Variants in SERINC5 observed in about 807,000 individuals in gnomAD.
The protein encoded by SERINC5 is serine incorporator 5, also known as chromosome 5 open reading frame 12.
A neutral mutation model predicts 63.1 loss-of-function variants in SERINC5; 41 were observed. The observed-to-expected ratio is 0.65, with a 90% confidence interval of 0.51 to 0.84. The LOEUF is 0.84. Ranked by LOEUF, SERINC5 falls within the 40% of genes least tolerant of loss-of-function variation. The probability of loss-of-function intolerance (pLI) is 0.00; values close to 1 mark genes in which losing one functional copy is unlikely to be tolerated. For synonymous variants in SERINC5, 222 were observed against 215.2 expected, an observed-to-expected ratio of 1.03 and a Z score of -0.28; for missense variants, 523 against 573.0, an observed-to-expected ratio of 0.91 and a Z score of 0.89.
intron 1 of SERINC5, among the ~76,000 whole-genome samples, chr5:80,223,811 A>G (rs941747124): frequency 2.6e-5 from 4 of 152,104 alleles, no homozygotes; most frequent in African/African-American, 9.7e-5. Flanking sequence ...TGATACAACT[A>G]TCTACTCATC....
intron 4 of SERINC5, among the ~76,000 whole-genome samples, chr5:80,176,886 A>C (rs1748066970): frequency 6.6e-6 from 1 of 152,256 alleles, no homozygotes; most frequent in South Asian, 2.1e-4. Flanking sequence ...TTAATGAATT[A>C]AAGCAGGTTC....
rs1425097506 is a variant in SERINC5, at chr5:80,124,870, G to A, written c.1239-11245C>T. ...CAACTCCCACCCAGGGTGGGGAGTA[G>A]TTGCAGGTAGTCTTGTTTATGAACA... On this transcript the variant is annotated intron_variant, in intron 11 of 12. Coordinates refer to the SERINC5 transcript ENST00000509193. Among the ~76,000 whole-genome samples, 3 of 152,178 alleles carry A rather than the reference G, an allele frequency of 2.0e-5. No individual in the cohort carries two copies. In the East Asian group the frequency reaches 5.8e-4, roughly 29 times the overall value.
chr5:80,147,800 C>A (rs73125958), intron 9 of SERINC5, among the ~76,000 whole-genome samples: 6,677 of 152,264 alleles, frequency 0.044, 515 homozygotes, highest in African/African-American at 0.15. Context: ...GAGCCCCACT[C>A]TCCTGGTGCT....
At chr5:80,195,084 C>T (rs1010119721) in intron 2 of SERINC5, among the ~76,000 whole-genome samples, 5 of 151,998 alleles carry the variant, frequency 3.3e-5, no homozygotes, top group African/African-American at 1.2e-4. Context: ...GTCAGGAGTT[C>T]GAGACCAGCC....
At chr5:80,172,357 A>G (rs1373850108) in intron 5 of SERINC5, among the ~76,000 whole-genome samples, 1 of 152,178 alleles carries the variant, frequency 6.6e-6, no homozygotes, top group African/African-American at 2.4e-5. Context: ...AAAAAAAAGT[A>G]TCTATAAATG....
intron 6 of SERINC5, among the ~76,000 whole-genome samples, chr5:80,168,179 A>T (rs1747425580): frequency 6.6e-6 from 1 of 152,098 alleles, no homozygotes; most frequent in South Asian, 2.1e-4. Flanking sequence ...ATAGAAGAAA[A>T]CAAATTATTT....
chr5:80,254,423 CT>C (rs34840957), intron 1 of SERINC5, among the ~76,000 whole-genome samples: 10,629 of 152,196 alleles, frequency 0.07, 505 homozygotes, highest in Non-Finnish European at 0.11. Flanking sequence ...CAAAATAATT[CT>C]TTTACAAAAC....
chr5:80,127,350 T>C (rs995255604), intron 11 of SERINC5, among the ~76,000 whole-genome samples: 1 of 152,248 alleles, frequency 6.6e-6, no homozygotes, highest in Non-Finnish European at 1.5e-5. Context: ...GGTTCTACTA[T>C]GTTCGTTCTC....
chr5:80,139,614 G>GAGAGAGAGAGAGAGA lies in SERINC5; in HGVS notation c.*4048_*4049insTCTCTCTCTCTCTCT. 2 of 984,916 alleles carry GAGAGAGAGAGAGAGA rather than the reference G, an allele frequency of 2.0e-6. No homozygotes were observed. Among genetic ancestry groups the GAGAGAGAGAGAGAGA allele is most frequent in the African/African-American group, 1.7e-5 (1 of 57,258 alleles). 61.0% of individuals were successfully genotyped at this position (984,916 alleles called of 1,614,324 possible). On this transcript the variant is annotated 3_prime_UTR_variant, in exon 12 of 12. Transcript: ENST00000507668. ...AGAAGAAAAGAGAGAGAGAGAGAAA[G>GAGAGAGAGAGAGAGA]GTCTAAACATCTGTGTGAACAGCTC...
At chr5:80,202,771 CAGGTATA>C (rs1749921144) in intron 2 of SERINC5, 108 bp downstream of exon 2, 1 of 1,004,914 alleles carries the variant, frequency 1.0e-6, no homozygotes. Flanking sequence ...TCAAGGAAAC[CAGGTATA>C]CCCCAAAACA....
intron 1 of SERINC5, among the ~76,000 whole-genome samples, chr5:80,227,816 T>A (rs376504154): frequency 1.3e-5 from 2 of 151,870 alleles, no homozygotes; most frequent in African/African-American, 4.8e-5. Context: ...GCCACTGCAC[T>A]CCAACCTGGA....
At chr5:80,169,938 C>T (rs2112386389) in intron 5 of SERINC5, among the ~76,000 whole-genome samples, 1 of 152,310 alleles carries the variant, frequency 6.6e-6, no homozygotes, top group South Asian at 2.1e-4. Flanking sequence ...ACAGAATCTT[C>T]TGTGGCTGGT....
chr5:80,140,688 G>C lies in SERINC5; in HGVS notation c.*2975C>G, dbSNP rs1745455754. ...GGAAATAGTCTCTAGTCTCCAGTCA[G>C]GTAACATGCCGCGGTATGACACTCC... is the stretch of plus-strand genomic sequence containing the variant. On this transcript the variant is annotated 3_prime_UTR_variant, in exon 12 of 12. Coordinates refer to ENST00000507668, the MANE Select transcript of SERINC5 (RefSeq NM_001174072.3). 1 of 985,144 alleles carries C rather than the reference G, an allele frequency of 1.0e-6. No homozygotes were observed. The highest frequency in any genetic ancestry group is 1.2e-6 in the Non-Finnish European group (1 of 829,900). The allele number at this position is 985,144 out of a possible 1,614,324, so 61.0% of individuals were successfully genotyped here.
intron 1 of SERINC5, among the ~76,000 whole-genome samples, chr5:80,210,177 T>C (rs10514178): frequency 0.12 from 18,092 of 152,210 alleles, 1,184 homozygotes; most frequent in East Asian, 0.28. Context: ...GCAAACATAC[T>C]GCAAAGGAAA....
chr5:80,233,539 T>C (rs1024268926), intron 1 of SERINC5, among the ~76,000 whole-genome samples: 1 of 152,190 alleles, frequency 6.6e-6, no homozygotes, highest in Non-Finnish European at 1.5e-5. Flanking sequence ...CTCTGCTCAT[T>C]AGAGAAGTGC....
intron 11 of SERINC5, among the ~76,000 whole-genome samples, chr5:80,124,275 A>G (rs1005571255): frequency 2.0e-5 from 3 of 152,190 alleles, no homozygotes; most frequent in Non-Finnish European, 2.9e-5. Flanking sequence ...CCAATCACAT[A>G]GCATGCCGCA....
chr5:80,186,763 CAT>C lies in SERINC5; in HGVS notation c.196-8701_196-8700del, dbSNP rs1409400744. ...TGGCCAGGGGCCCAGATGCTACAAA[CAT>C]AGAAAACATGTATAAGTTTTGGGAG... On this transcript the variant is annotated intron_variant, in intron 2 of 11. Transcript: ENST00000507668. 2.0e-5 allele frequency among the ~76,000 whole-genome samples: 3 copies of C among 152,140 alleles called. 1 individual carries two copies. The highest frequency in any genetic ancestry group is 7.2e-5 in the African/African-American group (3 of 41,412).
At chr5:80,125,878 A>C (rs1744729220) in intron 11 of SERINC5, among the ~76,000 whole-genome samples, 1 of 152,200 alleles carries the variant, frequency 6.6e-6, no homozygotes, top group Non-Finnish European at 1.5e-5. Context: ...GTTGAAAAAG[A>C]AAAGCAAGAT....
downstream of SERINC5, among the ~76,000 whole-genome samples, chr5:80,135,785 G>C (rs1349107099): frequency 1.3e-5 from 2 of 151,046 alleles, no homozygotes; most frequent in East Asian, 3.9e-4. Context: ...GGATCTTCCT[G>C]AATTGCTACA....
Sources: allele counts gnomAD v4.1 joint callset (sites outside exome capture counted in the v4.1 genomes callset), GRCh38; gene constraint gnomAD v4.1.1; transcripts MANE v1.5; gene names NCBI Gene and HGNC (gene_info 2026-07-23, HGNC 2026-07-21).